The following AFF2 variants were observed in gnomAD, a reference collection of about 807,000 sequenced individuals.
AFF2 encodes AF4/FMR2 family member 2.
AFF2 carries 14 observed loss-of-function variants against 76.9 expected under a neutral mutation model. The ratio of observed to expected loss-of-function variants is 0.18; its 90% CI spans 0.12 to 0.28. The LOEUF (loss-of-function observed/expected upper bound fraction) is 0.28. Among genes scored for constraint, AFF2 ranks in the 10% least tolerant of loss-of-function variants. The pLI, the probability that AFF2 is intolerant of heterozygous loss-of-function variation, is 1.00. For missense variants in AFF2, 868 were observed against 1,001.1 expected, an observed-to-expected ratio of 0.87 and a Z score of 1.79; for synonymous variants, 398 against 366.7, an observed-to-expected ratio of 1.09 and a Z score of -0.98.
chrX:148,843,694 A>G (rs1016203112), intron 7 of AFF2, among the ~76,000 whole-genome samples: 5 of 111,533 alleles, frequency 4.5e-5, no homozygotes, highest in African/African-American at 1.6e-4. Context: ...GGAGCCTGAG[A>G]AGTTTGAGAT....
At chrX:148,509,355 A>G (rs1438331098) in intron 1 of AFF2, among the ~76,000 whole-genome samples, 3 of 111,402 alleles carry the variant, frequency 2.7e-5, no homozygotes, top group African/African-American at 9.8e-5. Context: ...TGAATACTCA[A>G]CATAAGACAA....
chrX:148,958,318 A>G lies in AFF2; in HGVS notation c.2569-19A>G, dbSNP rs782285458. 1 of 1,209,577 alleles carries G rather than the reference A, an allele frequency of 8.3e-7. No homozygotes were observed. The highest frequency in any genetic ancestry group is 1.1e-6 in the Non-Finnish European group (1 of 894,459). ...GTGCCATGCATTTCAAGCTCTGTGT[A>G]TTTTTTTCCCTGTTAAAGCCAATAG... On this transcript the variant is annotated intron_variant, in intron 11 of 20. Transcript: ENST00000370460.
At chrX:148,526,342 G>A (rs782748965) in intron 1 of AFF2, among the ~76,000 whole-genome samples, 8 of 103,736 alleles carry the variant, frequency 7.7e-5, no homozygotes, top group Middle Eastern at 5.2e-3. Context: ...AATATCTTGC[G>A]AAACTATAGT....
intron 3 of AFF2, among the ~76,000 whole-genome samples, chrX:148,737,358 T>C (rs912547784): frequency 9.0e-6 from 1 of 111,654 alleles, no homozygotes; most frequent in Non-Finnish European, 1.9e-5. Flanking sequence ...TTCCTAAGTA[T>C]TTTATTTTAT....
chrX:148,809,387 T>C (rs1272100085), intron 3 of AFF2, among the ~76,000 whole-genome samples: 1 of 112,260 alleles, frequency 8.9e-6, no homozygotes, highest in Non-Finnish European at 1.9e-5. Context: ...CTGAGACTTT[T>C]TCTAACTGCC....
chrX:148,724,416 G>T (rs1263352490), intron 3 of AFF2, among the ~76,000 whole-genome samples: 2 of 111,316 alleles, frequency 1.8e-5, no homozygotes, highest in African/African-American at 3.3e-5. Flanking sequence ...GGCATAAATT[G>T]CATAAATTGC....
intron 1 of AFF2, among the ~76,000 whole-genome samples, chrX:148,522,284 A>T (rs2052610599): frequency 8.9e-6 from 1 of 112,582 alleles, no homozygotes; most frequent in Non-Finnish European, 1.9e-5. Context: ...GCTGTCCCAG[A>T]GGGGGCTTGT....
chrX:148,698,764 G>A (rs2054750891), intron 3 of AFF2, among the ~76,000 whole-genome samples: 1 of 107,037 alleles, frequency 9.3e-6, no homozygotes, highest in South Asian at 4.1e-4. Flanking sequence ...AAAATGTGCA[G>A]CTGAAGCAGT....
chrX:148,811,815 A>G (rs2070206096), intron 4 of AFF2, among the ~76,000 whole-genome samples: 1 of 112,045 alleles, frequency 8.9e-6, no homozygotes, highest in South Asian at 3.8e-4. Flanking sequence ...CCACTTAGAG[A>G]AACAACAGAA....
intron 1 of AFF2, among the ~76,000 whole-genome samples, chrX:148,650,125 A>G (rs972493737): frequency 2.7e-5 from 3 of 110,703 alleles, no homozygotes; most frequent in African/African-American, 9.9e-5. Flanking sequence ...TTACATTTGG[A>G]TAAATTGATG....
chrX:148,744,560 C>T (rs1341370113), intron 3 of AFF2, among the ~76,000 whole-genome samples: 1 of 111,086 alleles, frequency 9.0e-6, no homozygotes, highest in Admixed American at 9.6e-5. Flanking sequence ...ATGAGCTTTT[C>T]ATCATGTCAT....
intron 7 of AFF2, among the ~76,000 whole-genome samples, chrX:148,857,578 T>C (rs1557276026): frequency 8.9e-6 from 1 of 111,966 alleles, no homozygotes; most frequent in Non-Finnish European, 1.9e-5. Flanking sequence ...TTGTGTTTGC[T>C]ACTGGCACTT....
rs781903898 is a variant in AFF2, at chrX:148,636,092, A to G, written c.48-15907A>G. 5.4e-5 allele frequency among the ~76,000 whole-genome samples: 6 copies of G among 111,137 alleles called. No homozygotes were observed. The Admixed American group carries it at 5.7e-4, about 11-fold the overall frequency. On this transcript the variant is annotated intron_variant, in intron 1 of 20. Transcript: ENST00000370460. ...CATAATATTCGATATCCATTAACTT[A>G]GGGACACACTGTGGAATTTGAAACA...
intron 8 of AFF2, among the ~76,000 whole-genome samples, chrX:148,891,470 T>G (rs782327350): frequency 8.9e-6 from 1 of 112,031 alleles, no homozygotes; most frequent in South Asian, 3.8e-4. Context: ...AAAGGTTTTT[T>G]TAACAAAGAA....
rs1266398213 is a variant in AFF2 at position 148,999,937 on chromosome X, T to C, written c.*8605T>C. 1.8e-5 allele frequency: 2 copies of C among 111,500 alleles called. No individual in the cohort carries two copies. Among genetic ancestry groups the C allele is most frequent in the African/African-American group, 6.5e-5 (2 of 30,626 alleles). The allele number at this position is 111,500 out of a possible 1,213,427, so 9.2% of individuals were successfully genotyped here. ...GCCACCTCAACTGGAGAACATGAGC[T>C]GAGTTGAGCCCTCAGTGTTGAAGTT... On this transcript the variant is annotated 3_prime_UTR_variant, in exon 21 of 21. Transcript: ENST00000370460.
intron 1 of AFF2, among the ~76,000 whole-genome samples, chrX:148,546,596 G>A (rs911885006): frequency 8.9e-6 from 1 of 112,293 alleles, no homozygotes; most frequent in Non-Finnish European, 1.9e-5. Flanking sequence ...ATCATGCTCT[G>A]TTTCCACATT....
chrX:148,618,554 A>G (rs1243053799), intron 1 of AFF2, among the ~76,000 whole-genome samples: 1 of 111,306 alleles, frequency 9.0e-6, no homozygotes, highest in African/African-American at 3.3e-5. Context: ...TGAAGGTGAG[A>G]TTTGGGTGGG....
At chrX:148,507,016 C>T (rs1238470182) in intron 1 of AFF2, among the ~76,000 whole-genome samples, 1 of 112,084 alleles carries the variant, frequency 8.9e-6, no homozygotes. Context: ...GTGTGTCACC[C>T]TCTGGCATCA....
At chrX:148,588,808 A>G (rs782013969) in intron 1 of AFF2, among the ~76,000 whole-genome samples, 6 of 111,296 alleles carry the variant, frequency 5.4e-5, no homozygotes, top group Non-Finnish European at 7.5e-5. Flanking sequence ...GACTCACAGC[A>G]CTCCCTGGTG....
Sources: allele counts gnomAD v4.1 joint callset (sites outside exome capture counted in the v4.1 genomes callset), GRCh38; gene constraint gnomAD v4.1.1; transcripts MANE v1.5; gene names NCBI Gene and HGNC (gene_info 2026-07-23, HGNC 2026-07-21).